The following CEP112 variants were observed in gnomAD, a reference collection of about 807,000 sequenced individuals.
CEP112 encodes centrosomal protein of 112 kDa.
A neutral mutation model predicts 153.0 loss-of-function variants in CEP112; 127 were observed. That is an observed-to-expected ratio of 0.83 (90% confidence interval 0.72 to 0.96). The LOEUF is 0.96. Ranked by LOEUF, CEP112 falls within the 40% of genes least tolerant of loss-of-function variation. The pLI is 0.00. For missense variants in CEP112, 1,089 were observed against 1,101.2 expected (o/e 0.99, Z 0.16); for synonymous variants, 358 against 374.4 (o/e 0.96, Z 0.51).
At chr17:65,842,501 T>C (rs1201305958) in intron 21 of CEP112, among the ~76,000 whole-genome samples, 2 of 152,164 alleles carry the variant, frequency 1.3e-5, no homozygotes, top group South Asian at 2.1e-4. Context: ...AAGGGAGCAG[T>C]CTATTTCCAT....
chr17:65,692,230 T>C (rs1170802216), intron 23 of CEP112, among the ~76,000 whole-genome samples: 2 of 150,192 alleles, frequency 1.3e-5, no homozygotes. Context: ...TGGAATTTTT[T>C]TTTTTTTTTT....
intron 20 of CEP112, 23 bp downstream of exon 20, chr17:65,902,129 T>G (rs1326997870): frequency 1.3e-6 from 2 of 1,580,968 alleles, no homozygotes; most frequent in East Asian, 2.2e-5. Flanking sequence ...ATACCCGTTT[T>G]ATCAAATATT....
intron 21 of CEP112, among the ~76,000 whole-genome samples, chr17:65,757,267 C>A (rs917968383): frequency 2.0e-4 from 30 of 151,968 alleles, no homozygotes; most frequent in African/African-American, 7.0e-4. Context: ...CAGGGTGGGA[C>A]GAGGGGAGGA....
At chr17:66,105,553 G>A (rs1163496682) in intron 6 of CEP112, among the ~76,000 whole-genome samples, 1 of 152,094 alleles carries the variant, frequency 6.6e-6, no homozygotes, top group Non-Finnish European at 1.5e-5. Context: ...CAGCACTTTG[G>A]GAGGCCACGG....
At chr17:66,031,918 C>A (rs1325693211) in intron 12 of CEP112, among the ~76,000 whole-genome samples, 1 of 152,058 alleles carries the variant, frequency 6.6e-6, no homozygotes, top group Admixed American at 6.6e-5. Flanking sequence ...AGATGGTGGC[C>A]GAGGCAGCCA....
At chr17:65,714,961 C>T (rs2049415555) in intron 23 of CEP112, among the ~76,000 whole-genome samples, 3 of 152,110 alleles carry the variant, frequency 2.0e-5, no homozygotes, top group Non-Finnish European at 4.4e-5. Context: ...ACATGATTGA[C>T]TTATTTGCAA....
At position 65,902,200 on chromosome 17, in the gene CEP112, A is replaced by C; in HGVS notation, c.2115T>G (p.Asn705Lys). 1 of 1,613,662 alleles carries C rather than the reference A, an allele frequency of 6.2e-7. No homozygotes were observed. Among genetic ancestry groups the C allele is most frequent in the African/African-American group, 1.3e-5 (1 of 74,880 alleles). Residue 705 changes from asparagine to lysine, a missense_variant, in exon 20 of 27, where the codon AAT (asparagine) becomes AAG (lysine). Transcript: ENST00000535342. ...ENLEKQLRAA[N>K]MEHENQIQEF... is the part of the protein sequence containing the mutation. ...CCTGAATTTGATTTTCGTGCTCCAT[A>C]TTGGCAGCGCGAAGCTGTTTTTCCA...
intron 8 of CEP112, among the ~76,000 whole-genome samples, chr17:66,070,860 C>T (rs2067286415): frequency 6.6e-6 from 1 of 152,114 alleles, no homozygotes; most frequent in Non-Finnish European, 1.5e-5. Context: ...CATATATGCA[C>T]TGTTGTGACT....
chr17:66,132,816 A>C, intron 4 of CEP112, 53 bp from the exon 5 acceptor site: 1 of 1,134,584 alleles, frequency 8.8e-7, no homozygotes, highest in Non-Finnish European at 1.3e-6. Flanking sequence ...GAGGACACAG[A>C]GTATTAGAAT....
chr17:66,095,731 T>C (rs1051251082), intron 8 of CEP112, among the ~76,000 whole-genome samples: 7 of 152,174 alleles, frequency 4.6e-5, no homozygotes, highest in Non-Finnish European at 8.8e-5. Context: ...ATTTAGCCAT[T>C]TGACAATGTA....
chr17:65,844,410 G>A (rs915908958), intron 21 of CEP112, among the ~76,000 whole-genome samples: 5 of 152,204 alleles, frequency 3.3e-5, no homozygotes, highest in African/African-American at 7.2e-5. Flanking sequence ...GTTTGGCTGG[G>A]TGCAGTGGCT....
intron 8 of CEP112, among the ~76,000 whole-genome samples, chr17:66,080,183 T>C (rs2067661917): frequency 6.6e-6 from 1 of 152,102 alleles, no homozygotes; most frequent in Non-Finnish European, 1.5e-5. Flanking sequence ...CTAAAGAGCT[T>C]CTGCCCAGCA....
chr17:65,863,439 A>C (rs2058372526), intron 20 of CEP112, among the ~76,000 whole-genome samples: 1 of 152,196 alleles, frequency 6.6e-6, no homozygotes, highest in Non-Finnish European at 1.5e-5. Context: ...GTGTGTCATG[A>C]GCACGACGGG....
intron 12 of CEP112, among the ~76,000 whole-genome samples, chr17:66,040,251 T>C (rs949194332): frequency 1.3e-5 from 2 of 152,178 alleles, no homozygotes; most frequent in African/African-American, 4.8e-5. Context: ...TTAGCCCTTT[T>C]TGTAGGTATG....
chr17:65,770,544 G>T (rs1352595258), intron 21 of CEP112, among the ~76,000 whole-genome samples: 2 of 151,796 alleles, frequency 1.3e-5, no homozygotes, highest in Non-Finnish European at 2.9e-5. Flanking sequence ...TGAAACCAAG[G>T]GAACAAATAG....
Position 65,899,192 on chromosome 17 carries a change from G to A in CEP112, c.2163+2960C>T, listed in dbSNP as rs9910278. 1.5e-3 allele frequency among the ~76,000 whole-genome samples: 229 copies of A among 152,106 alleles called. 1 individual carries two copies. Among genetic ancestry groups the A allele is most frequent in the African/African-American group, 5.3e-3 (221 of 41,500 alleles). On this transcript the variant is annotated intron_variant, in intron 20 of 26. Coordinates refer to ENST00000535342, the MANE Select transcript of CEP112 (RefSeq NM_001199165.4). ...GAGACCTGGTAAATGAGAAATATTCGACAATGAGGTTATGAATTTCTACAA... is the reference window on the plus strand; with the variant it reads ...GAGACCTGGTAAATGAGAAATATTCAACAATGAGGTTATGAATTTCTACAA...
Position 66,175,119 on chromosome 17 carries a change from T to G in CEP112, c.395A>C (p.His132Pro). ...WVLGELETSE[H>P]KLNESWKLSS... is the part of the protein sequence containing the mutation. ...GAGTTTCCATGATTCATTTAATTTG[T>G]GTTCACTTGTCTCCAGCTCACCCAG... Residue 132 changes from histidine to proline, a missense_variant, in exon 4 of 27, where the codon CAC becomes CCC. Physicochemically the swap from His to Pro is moderately conservative, Grantham distance 77. Transcript: ENST00000535342. The G allele has an allele frequency of 6.2e-7, 1 of 1,613,730 alleles. No individual in the cohort carries two copies. The highest frequency in any genetic ancestry group is 8.5e-7 in the Non-Finnish European group (1 of 1,179,772).
chr17:65,990,887 G>A (rs1489032741), intron 17 of CEP112, among the ~76,000 whole-genome samples: 2 of 152,216 alleles, frequency 1.3e-5, no homozygotes, highest in South Asian at 2.1e-4. Flanking sequence ...GCTTGGGAGA[G>A]GAGGAGAGCA....
intron 23 of CEP112, among the ~76,000 whole-genome samples, chr17:65,698,078 T>TAAAAA (rs977343066): frequency 6.6e-6 from 1 of 152,086 alleles, no homozygotes; most frequent in Non-Finnish European, 1.5e-5. Flanking sequence ...TTTTTTTTCT[T>TAAAAA]AAAAAAACAA....
Sources: gnomAD v4.1 joint callset for allele counts (sites outside exome capture counted in the v4.1 genomes callset) on GRCh38, gnomAD v4.1.1 for gene constraint, MANE v1.5 for transcripts, NCBI Gene and HGNC (gene_info 2026-07-23, HGNC 2026-07-21) for gene names.